The following DMD variants were observed in gnomAD, a reference collection of about 807,000 sequenced individuals.
The protein encoded by DMD is mutant dystrophin.
Under a neutral mutation model 330.1 loss-of-function variants are expected in DMD, and 63 were observed. That is an observed-to-expected ratio of 0.19 (90% CI 0.16 to 0.24). The LOEUF (loss-of-function observed/expected upper bound fraction) is 0.24, where lower values mean the gene tolerates loss of function less well. DMD is among the 10% of genes least tolerant of loss of function. The pLI is 1.00. For synonymous variants in DMD, 1,223 were observed against 959.8 expected (o/e 1.27, Z -5.07); for missense variants, 3,344 against 2,684.1 (o/e 1.25, Z -5.43).
intron 60 of DMD, among the ~76,000 whole-genome samples, chrX:31,418,637 A>C (rs2063203842): frequency 8.9e-6 from 1 of 112,320 alleles, no homozygotes; most frequent in Admixed American, 9.4e-5. Context: ...TAGGTTAGGA[A>C]AGTACAGGTT....
At chrX:32,951,342 AG>A (rs1779575145) in intron 2 of DMD, among the ~76,000 whole-genome samples, 1 of 111,520 alleles carries the variant, frequency 9.0e-6, no homozygotes, top group African/African-American at 3.3e-5. Context: ...TCCGAGCAAA[AG>A]CTTTTCTAGA....
chrX:31,662,629 T>G (rs2081192225), intron 53 of DMD, among the ~76,000 whole-genome samples: 1 of 96,712 alleles, frequency 1.0e-5, no homozygotes. Flanking sequence ...CAAAGGAACT[T>G]CAAGAAAGGC....
intron 15 of DMD, among the ~76,000 whole-genome samples, chrX:32,567,510 G>C (rs909978079): frequency 3.6e-5 from 4 of 111,293 alleles, no homozygotes; most frequent in Non-Finnish European, 7.5e-5. Context: ...CAATTCTCCT[G>C]TCAGCCTCAC....
intron 33 of DMD, among the ~76,000 whole-genome samples, chrX:32,383,261 T>G (rs2097937211): frequency 9.0e-6 from 1 of 110,791 alleles, no homozygotes; most frequent in South Asian, 3.7e-4. Context: ...CTTGCAGAAA[T>G]CAATTTACCT....
chrX:32,382,931 G>C (rs1156994457), intron 33 of DMD, among the ~76,000 whole-genome samples: 1 of 110,759 alleles, frequency 9.0e-6, no homozygotes, highest in African/African-American at 3.3e-5. Context: ...GCGAGGAATG[G>C]ATACGTTTAA....
chrX:32,551,800 T>C (rs1371453256), intron 16 of DMD, among the ~76,000 whole-genome samples: 1 of 111,733 alleles, frequency 8.9e-6, no homozygotes, highest in African/African-American at 3.3e-5. Context: ...CCAAAATCAA[T>C]GTATAAATAT....
chrX:32,783,146 T>C (rs766976956), intron 7 of DMD, among the ~76,000 whole-genome samples: 28 of 99,734 alleles, frequency 2.8e-4, no homozygotes, highest in African/African-American at 6.8e-4. Flanking sequence ...TATATATATA[T>C]ACCATATATA....
chrX:33,256,591 C>T (rs185117226), intron 1 of DMD, among the ~76,000 whole-genome samples: 159 of 109,813 alleles, frequency 1.4e-3, no homozygotes, highest in African/African-American at 5.0e-3. Flanking sequence ...TAGAAACCTA[C>T]TTTTCAACCG....
intron 1 of DMD, among the ~76,000 whole-genome samples, chrX:33,123,024 C>T (rs1257147663): frequency 8.9e-6 from 1 of 112,178 alleles, no homozygotes; most frequent in African/African-American, 3.2e-5. Context: ...GATTATAACA[C>T]GGGATTTTTA....
intron 1 of DMD, among the ~76,000 whole-genome samples, chrX:33,249,303 A>C (rs1173830893): frequency 2.7e-5 from 3 of 111,048 alleles, no homozygotes; most frequent in Non-Finnish European, 5.7e-5. Context: ...GGCATCTGCC[A>C]CCACACCTGG....
intron 9 of DMD, among the ~76,000 whole-genome samples, chrX:32,686,755 A>C (rs552856440): frequency 2.3e-4 from 26 of 111,084 alleles, no homozygotes; most frequent in African/African-American, 8.2e-4. Flanking sequence ...AACAAAATAG[A>C]TTGTAATAAA....
chrX:32,639,017 T>C (rs1407494658), intron 11 of DMD, among the ~76,000 whole-genome samples: 1 of 111,631 alleles, frequency 9.0e-6, no homozygotes, highest in Non-Finnish European at 1.9e-5. Context: ...ACTATTCATA[T>C]CTCTCCTCCT....
At position 32,580,011 on chromosome X, in the gene DMD, CTT is replaced by C. The variant is rs57730410; in HGVS notation, c.1603-6167_1603-6166del. 5.5e-3 allele frequency among the ~76,000 whole-genome samples: 497 copies of C among 91,070 alleles called. 3 individuals carry two copies. The highest frequency in any genetic ancestry group is 0.015 in the African/African-American group (356 of 24,243). The allele number at this position is 91,070 out of a possible 115,157, so 79.1% of individuals were successfully genotyped here. On this transcript the variant is annotated intron_variant, in intron 13 of 78. Transcript: ENST00000357033. Reference sequence around the variant, plus strand: ...TTCTTTGCAGGATATTATTTAATGTCTTTTTTTTTTTTTTTTGGCAGCTTAAT... The same window carrying C: ...TTCTTTGCAGGATATTATTTAATGTCTTTTTTTTTTTTTTGGCAGCTTAAT...
intron 44 of DMD, among the ~76,000 whole-genome samples, chrX:32,095,377 G>C (rs1191988984): frequency 9.0e-6 from 1 of 111,607 alleles, no homozygotes; most frequent in Non-Finnish European, 1.9e-5. Flanking sequence ...AGTTTTCATT[G>C]ATAAAATTAT....
chrX:32,761,609 CTG>C (rs2072304251), intron 7 of DMD, among the ~76,000 whole-genome samples: 1 of 111,537 alleles, frequency 9.0e-6, no homozygotes, highest in Non-Finnish European at 1.9e-5. Context: ...GTTACATAAA[CTG>C]TGTGTATGGC....
At chrX:33,000,946 T>C (rs1437044565) in intron 2 of DMD, among the ~76,000 whole-genome samples, 1 of 111,432 alleles carries the variant, frequency 9.0e-6, no homozygotes, top group Non-Finnish European at 1.9e-5. Context: ...TTCTTCATCA[T>C]TAATTATTCT....
intron 7 of DMD, among the ~76,000 whole-genome samples, chrX:32,768,441 G>C (rs756601863): frequency 4.6e-4 from 52 of 112,069 alleles, no homozygotes; most frequent in Non-Finnish European, 9.0e-4. Context: ...ACCAAGACAA[G>C]TGTATCTGAT....
intron 44 of DMD, among the ~76,000 whole-genome samples, chrX:32,176,780 T>C (rs2096908084): frequency 1.1e-4 from 12 of 111,038 alleles, no homozygotes; most frequent in Admixed American, 1.1e-3. Flanking sequence ...ACGGTCACCT[T>C]TCGTCCTGAC....
In DMD at chrX:32,380,503, G is replaced by A. The variant is rs764100658; in HGVS notation, c.4845+7C>T. On this transcript the variant is annotated splice_region_variant and intron_variant, in intron 34 of 78. Transcript: ENST00000357033. ...TTCAAAATAACCTTCAGTGATATAG[G>A]TTTTACCTTTCCCCAGGCAACTTCA... The A allele has an allele frequency of 5.0e-6, 6 of 1,206,153 alleles. No homozygotes were observed. The highest frequency in any genetic ancestry group is 1.8e-5 in the African/African-American group (1 of 57,031).
Sources: gnomAD v4.1 joint callset for allele counts (sites outside exome capture counted in the v4.1 genomes callset) on GRCh38, gnomAD v4.1.1 for gene constraint, MANE v1.5 for transcripts, NCBI Gene and HGNC (gene_info 2026-07-23, HGNC 2026-07-21) for gene names.